The following USH2A variants were observed in gnomAD, a reference collection of about 807,000 sequenced individuals.
USH2A encodes the protein Usher syndrome 2A (autosomal recessive, mild).
In USH2A, 443 loss-of-function variants were observed where a neutral mutation model predicts 538.9. That is an observed-to-expected ratio of 0.82 (90% CI 0.76 to 0.89). The LOEUF is 0.89. USH2A is among the 40% of genes least tolerant of loss of function. USH2A has a pLI of 0.00. For synonymous variants in USH2A, 2,413 were observed against 2,273.5 expected (o/e 1.06, Z -1.75); for missense variants, 6,633 against 6,324.8 (o/e 1.05, Z -1.65).
At chr1:216,036,522 T>C (rs1002482285) in intron 32 of USH2A, among the ~76,000 whole-genome samples, 5 of 152,180 alleles carry the variant, frequency 3.3e-5, no homozygotes, top group Admixed American at 6.6e-5. Flanking sequence ...TTTGTTGTTA[T>C]TATCTTTCCA....
Position 216,188,047 on chromosome 1 carries a change from A to G in USH2A, c.4396+2176T>C, listed in dbSNP as rs557406711. Among the ~76,000 whole-genome samples, 3 of 151,802 alleles carry G rather than the reference A, an allele frequency of 2.0e-5. No homozygotes were observed. The East Asian group carries it at 5.8e-4, about 29-fold the overall frequency. On this transcript the variant is annotated intron_variant, in intron 20 of 71. Coordinates refer to ENST00000307340, the MANE Select transcript of USH2A (RefSeq NM_206933.4). Reference sequence around the variant, plus strand: ...GTTTCCAGTTCTATTTTTCAAGGATAAAAAAAATAGAGAGAGGATTCAGAG... The same window carrying G: ...GTTTCCAGTTCTATTTTTCAAGGATGAAAAAAATAGAGAGAGGATTCAGAG...
chr1:216,081,182 G>A (rs989188365), intron 26 of USH2A, among the ~76,000 whole-genome samples: 3 of 152,088 alleles, frequency 2.0e-5, no homozygotes, highest in African/African-American at 7.2e-5. Context: ...CAAGATCAGG[G>A]TATTGGTAGA....
Position 215,760,010 on chromosome 1 carries a change from T to C in USH2A, c.11048-167A>G, listed in dbSNP as rs371327325. ...ATTGGTGTAAATATATTTTTATTACTTTGATTATTTTATTTTTGAATTGCC... is the reference window on the plus strand; with the variant it reads ...ATTGGTGTAAATATATTTTTATTACCTTGATTATTTTATTTTTGAATTGCC... On this transcript the variant is annotated intron_variant, in intron 56 of 71. Coordinates refer to ENST00000307340, the MANE Select transcript of USH2A (RefSeq NM_206933.4). Among the ~76,000 whole-genome samples, 382 of 152,336 alleles carry C rather than the reference T, an allele frequency of 2.5e-3. 5 individuals are homozygous for C. Among genetic ancestry groups the C allele is most frequent in the African/African-American group, 8.9e-3 (370 of 41,582 alleles).
At chr1:216,393,075 CA>C (rs2039138185) in intron 3 of USH2A, among the ~76,000 whole-genome samples, 1 of 152,052 alleles carries the variant, frequency 6.6e-6, no homozygotes, top group African/African-American at 2.4e-5. Flanking sequence ...ATGCTTTAAG[CA>C]AAAGGAATTG....
intron 21 of USH2A, among the ~76,000 whole-genome samples, chr1:216,115,405 A>G (rs1211507035): frequency 6.6e-6 from 1 of 152,226 alleles, no homozygotes; most frequent in Non-Finnish European, 1.5e-5. Flanking sequence ...TCAGCTTCCC[A>G]AAGTGCTAGG....
chr1:216,035,598 T>C (rs545529415), intron 32 of USH2A, among the ~76,000 whole-genome samples: 3 of 152,262 alleles, frequency 2.0e-5, no homozygotes, highest in African/African-American at 7.2e-5. Context: ...AAACACATAA[T>C]TGAGCAACAA....
chr1:216,162,375 A>AT (rs893185012), intron 21 of USH2A, among the ~76,000 whole-genome samples: 14 of 151,928 alleles, frequency 9.2e-5, no homozygotes, highest in African/African-American at 3.4e-4. Flanking sequence ...GCATTGAAAT[A>AT]TTTTTTATCT....
chr1:215,629,583 T>C (rs374958867), intron 70 of USH2A, among the ~76,000 whole-genome samples: 1 of 151,924 alleles, frequency 6.6e-6, no homozygotes, highest in South Asian at 2.1e-4. Context: ...TCATTCCATA[T>C]TCCTCCATTT....
chr1:216,149,415 C>T (rs978951333), intron 21 of USH2A, among the ~76,000 whole-genome samples: 3 of 152,140 alleles, frequency 2.0e-5, no homozygotes, highest in Non-Finnish European at 4.4e-5. Context: ...AACCTTCATA[C>T]CCCTTACCGT....
At chr1:216,219,308 G>T (rs965951170) in intron 14 of USH2A, among the ~76,000 whole-genome samples, 2 of 152,034 alleles carry the variant, frequency 1.3e-5, no homozygotes, top group Admixed American at 6.6e-5. Context: ...CAGTAAGAGA[G>T]AATTTTTCCT....
intron 52 of USH2A, among the ~76,000 whole-genome samples, chr1:215,783,885 T>C (rs752005143): frequency 1.3e-5 from 2 of 152,166 alleles, no homozygotes; most frequent in Non-Finnish European, 2.9e-5. Context: ...TCTCAGTCTC[T>C]ATGCTTAGAT....
intron 61 of USH2A, among the ~76,000 whole-genome samples, chr1:215,699,220 A>G (rs1658918336): frequency 6.6e-6 from 1 of 152,166 alleles, no homozygotes; most frequent in Non-Finnish European, 1.5e-5. Flanking sequence ...TGGTTACTGT[A>G]GCCTTGTAGT....
intron 32 of USH2A, among the ~76,000 whole-genome samples, chr1:216,012,734 A>G (rs941374193): frequency 6.6e-6 from 1 of 152,180 alleles, no homozygotes; most frequent in Non-Finnish European, 1.5e-5. Flanking sequence ...AAAGGACTGG[A>G]CAATACTTTT....
intron 30 of USH2A, among the ~76,000 whole-genome samples, chr1:216,068,074 T>G (rs964310055): frequency 1.3e-5 from 2 of 152,058 alleles, no homozygotes; most frequent in Non-Finnish European, 2.9e-5. Flanking sequence ...TGAAGAAATA[T>G]TTCTAGAAAT....
At chr1:215,635,182 T>C (rs1476609033) in intron 69 of USH2A, among the ~76,000 whole-genome samples, 1 of 152,196 alleles carries the variant, frequency 6.6e-6, no homozygotes, top group Non-Finnish European at 1.5e-5. Context: ...AACAGTCCAA[T>C]TCCTGATACT....
chr1:216,347,190 C>G (rs2038195128), intron 4 of USH2A, among the ~76,000 whole-genome samples: 1 of 151,910 alleles, frequency 6.6e-6, no homozygotes, highest in Non-Finnish European at 1.5e-5. Context: ...GTGGAATTAG[C>G]CATATTCCCA....
chr1:216,174,086 T>C, intron 21 of USH2A: 6 of 985,276 alleles, frequency 6.1e-6, no homozygotes, highest in Non-Finnish European at 7.2e-6. Context: ...AGTTAGAATA[T>C]AATCATGATT....
intron 11 of USH2A, among the ~76,000 whole-genome samples, chr1:216,270,625 A>G (rs997943201): frequency 6.6e-6 from 1 of 152,028 alleles, no homozygotes; most frequent in South Asian, 2.1e-4. Flanking sequence ...CTAACCAGCT[A>G]TTGTATACTG....
intron 43 of USH2A, among the ~76,000 whole-genome samples, chr1:215,873,762 C>T (rs1487249610): frequency 6.9e-6 from 1 of 145,396 alleles, no homozygotes; most frequent in Non-Finnish European, 1.5e-5. Context: ...AGTGGATTCT[C>T]GAGGAATCAC....
Sources: allele counts gnomAD v4.1 joint callset (sites outside exome capture counted in the v4.1 genomes callset), GRCh38; gene constraint gnomAD v4.1.1; transcripts MANE v1.5; gene names NCBI Gene and HGNC (gene_info 2026-07-23, HGNC 2026-07-21).